Variants in PAPLN observed in about 807,000 individuals in gnomAD.
PAPLN encodes the protein papilin, proteoglycan like sulfated glycoprotein, also known as papilin.
A neutral mutation model predicts 159.0 loss-of-function variants in PAPLN; 146 were observed. The observed-to-expected ratio is 0.92, with a 90% CI of 0.80 to 1.05. The LOEUF is 1.05. PAPLN is among the 50% of genes least tolerant of loss of function. The pLI is 0.00. For synonymous variants in PAPLN, 734 were observed against 702.9 expected (o/e 1.04, Z -0.70); for missense variants, 1,720 against 1,743.9 (o/e 0.99, Z 0.24).
chr14:73,244,837 C>A, intron 3 of PAPLN, 78 bp downstream of exon 3: 2 of 1,234,594 alleles, frequency 1.6e-6, no homozygotes, highest in South Asian at 1.5e-5. Context: ...GCTAGGTGGT[C>A]GTGGCCTAGG....
rs994239838 is a variant in PAPLN, at chr14:73,250,266, T to C, written c.465+152T>C. The C allele has an allele frequency of 4.6e-6, 5 of 1,092,458 alleles. No individual in the cohort carries two copies. In the Admixed American group the frequency reaches 1.7e-4, roughly 37 times the overall value. The allele number at this position is 1,092,458 out of a possible 1,614,324, so 67.7% of individuals were successfully genotyped here. Reference sequence around the variant, plus strand: ...CACCAAGCCCAGCTCCTAGGGTACCTTGCAGGCATCACAGATGCCCTATGG... The same window carrying C: ...CACCAAGCCCAGCTCCTAGGGTACCCTGCAGGCATCACAGATGCCCTATGG... On this transcript the variant is annotated intron_variant, in intron 6 of 26. Transcript: ENST00000644200.
intron 14 of PAPLN, among the ~76,000 whole-genome samples, chr14:73,257,432 T>C (rs1477178032): frequency 3.3e-5 from 5 of 152,102 alleles, no homozygotes; most frequent in Non-Finnish European, 2.9e-5. Context: ...ACAGGTTTTC[T>C]CTTATGTAGC....
intron 2 of PAPLN, chr14:73,243,947 A>G (rs1034464210): frequency 2.0e-5 from 3 of 152,328 alleles, no homozygotes. Flanking sequence ...AACTCCAGCC[A>G]TCACATCTGC....
rs767865902 is a variant in PAPLN, at chr14:73,246,085, G to A, written c.244G>A (p.Gly82Ser). The A allele has an allele frequency of 3.9e-5, 61 of 1,563,236 alleles. No homozygotes were observed. Among genetic ancestry groups the A allele is most frequent in the Middle Eastern group, 1.7e-4 (1 of 5,846 alleles). ...CTCCGCCCCGCAGAGCTGCCCCGAC[G>A]GCGCCCGGGACTTCCGGGCCGAGCA... ...RSCRTESCPD[G>S]ARDFRAEQCA... The change falls in exon 5 of 27, where the codon GGC becomes AGC. Residue 82 changes from glycine to serine, a missense_variant. Physicochemically the swap from Gly to Ser is moderately conservative, Grantham distance 56. Coordinates refer to ENST00000644200, the MANE Select transcript of PAPLN (RefSeq NM_001365906.3).
intron 10 of PAPLN, 31 bp from the exon 11 acceptor site, chr14:73,252,618 G>A (rs199558503): frequency 3.3e-5 from 53 of 1,606,456 alleles, no homozygotes; most frequent in Middle Eastern, 1.7e-4. Flanking sequence ...GTTGACTGGC[G>A]TCTGCCCGCC....
chr14:73,245,834 G>T lies in PAPLN; in HGVS notation c.231+138G>T. 1 of 1,185,380 alleles carries T rather than the reference G, an allele frequency of 8.4e-7. No individual in the cohort carries two copies. Among genetic ancestry groups the T allele is most frequent in the Admixed American group, 2.3e-5 (1 of 43,702 alleles). 73.4% of individuals were successfully genotyped at this position (1,185,380 alleles called of 1,614,324 possible). On this transcript the variant is annotated intron_variant, in intron 4 of 26. Coordinates refer to ENST00000644200, the MANE Select transcript of PAPLN (RefSeq NM_001365906.3). This position sits in a 1 kb window ranked among gnomAD's most constrained non-coding sequence, Gnocchi z 4.2. ...GGTCCTCCCGCCAATCCACAGCAGG[G>T]CTGCGTGGGGGCCCCTTCCTCACCC...
rs771163455 is a variant in PAPLN, at chr14:73,259,400, C to T, written c.1840C>T (p.Gln614Ter). The T allele has an allele frequency of 1.2e-6, 2 of 1,612,718 alleles. No individual in the cohort carries two copies. Among genetic ancestry groups the T allele is most frequent in the Non-Finnish European group, 1.7e-6 (2 of 1,179,538 alleles). Residue 614 changes from glutamine to a stop codon, truncating the protein, a stop_gained, in exon 16 of 27, where the codon CAG (glutamine) becomes TAG (stop). Coordinates refer to ENST00000644200, the MANE Select transcript of PAPLN (RefSeq NM_001365906.3). LOFTEE classifies it high-confidence loss of function. ...CCTGGGCCCCGCTCCCTCTCTGCAG[C>T]AGCCCCCATACCAGCAACCCCTGCG... Reference protein sequence around the residue: ...SALGPAPSLQQPPYQQPLRSG... With the variant: ...SALGPAPSLQ
intron 5 of PAPLN, chr14:73,249,744 C>T (rs1369840007): frequency 4.4e-6 from 1 of 227,536 alleles, no homozygotes; most frequent in Non-Finnish European, 8.5e-6. Context: ...CTGAGGTAGA[C>T]TTCTTTAAGT....
intron 5 of PAPLN, among the ~76,000 whole-genome samples, chr14:73,248,073 C>CTG (rs1491238488): frequency 1.4e-4 from 7 of 51,010 alleles, no homozygotes; most frequent in African/African-American, 1.2e-3. Flanking sequence ...GTCTCATATC[C>CTG]TCTGTGTGTG....
In PAPLN at chr14:73,245,288, T is replaced by A; in HGVS notation, c.171-348T>A. 3.2e-6 allele frequency: 1 copy of A among 313,386 alleles called. No homozygotes were observed. Among genetic ancestry groups the A allele is most frequent in the East Asian group, 7.4e-5 (1 of 13,486 alleles). The allele number at this position is 313,386 out of a possible 1,614,324, so 19.4% of individuals were successfully genotyped here. A position where few individuals can be genotyped will look rare whatever the true frequency, so the allele number is the denominator to read the frequency against. ...GAGACCAGGAATGATCCTAAGAGCC[T>A]TATACTGATGTCCTGCTTAGATCGC... is the stretch of plus-strand genomic sequence containing the variant. On this transcript the variant is annotated intron_variant, in intron 3 of 26. Transcript: ENST00000644200. The surrounding 1 kb of genome is among the most constrained non-coding windows in gnomAD (Gnocchi z 4.2).
At position 73,259,561 on chromosome 14, in the gene PAPLN, A is replaced by G. The variant is rs1435722708; in HGVS notation, c.1985+16A>G. 1.3e-6 allele frequency: 2 copies of G among 1,506,268 alleles called. No homozygotes were observed. The highest frequency in any genetic ancestry group is 4.8e-5 in the East Asian group (2 of 41,338). 93.3% of individuals were successfully genotyped at this position (1,506,268 alleles called of 1,614,324 possible). ...AGCAGAGCAGGTGGGTGCTGGAGAC[A>G]GGTCTTCCTCCTCCCCCGTCAAAGA... On this transcript the variant is annotated intron_variant, in intron 16 of 26. Coordinates refer to ENST00000644200, the MANE Select transcript of PAPLN (RefSeq NM_001365906.3).
At chr14:73,261,352 T>G in intron 18 of PAPLN, 58 bp downstream of exon 18, 1 of 1,577,368 alleles carries the variant, frequency 6.3e-7, no homozygotes. Flanking sequence ...CCACCATGCC[T>G]CCAGCCCCCA....
At chr14:73,249,758 T>G (rs1885027006) in intron 5 of PAPLN, 1 of 311,482 alleles carries the variant, frequency 3.2e-6, no homozygotes, top group Admixed American at 4.9e-5. Context: ...TTTAAGTGTT[T>G]CACTTTTTCC....
intron 11 of PAPLN, chr14:73,253,338 A>C (rs1885517097): frequency 1.0e-6 from 1 of 1,003,164 alleles, no homozygotes; most frequent in African/African-American, 1.6e-5. Context: ...GCATGGGGCC[A>C]CAGGGCTGCT....
chr14:73,264,707 C>A lies in PAPLN; in HGVS notation c.3106C>A (p.His1036Asn). ...GCCCCTGGGGGCCATCCCCTCTTCACACCCACAGCCTGCAAACAGGTAAGA... is the reference window on the plus strand; with the variant it reads ...GCCCCTGGGGGCCATCCCCTCTTCAAACCCACAGCCTGCAAACAGGTAAGA... ...AGPLGAIPSS[H>N]PQPANRLRLD... The change falls in exon 22 of 27, where the codon CAC becomes AAC. Residue 1036 changes from histidine (H) to asparagine (N), a missense_variant. Coordinates refer to ENST00000644200, the MANE Select transcript of PAPLN (RefSeq NM_001365906.3). The A allele has an allele frequency of 6.2e-7, 1 of 1,613,178 alleles. No homozygotes were observed. The highest frequency in any genetic ancestry group is 8.5e-7 in the Non-Finnish European group (1 of 1,179,872).
intron 25 of PAPLN, among the ~76,000 whole-genome samples, chr14:73,267,396 T>G (rs1887332449): frequency 6.6e-6 from 1 of 152,196 alleles, no homozygotes; most frequent in Non-Finnish European, 1.5e-5. Context: ...CTGGGGATCC[T>G]GGGGTCACCT....
In PAPLN at chr14:73,272,742, T is replaced by C; in HGVS notation, c.*78T>C. On this transcript the variant is annotated 3_prime_UTR_variant, in exon 27 of 27. Transcript: ENST00000644200. ...AAAGGAAGATGGACTCTTGGCTTCCTCTCTCTGGCTGGCAAAGGGAGTTAT... is the reference window on the plus strand; with the variant it reads ...AAAGGAAGATGGACTCTTGGCTTCCCCTCTCTGGCTGGCAAAGGGAGTTAT... 7.3e-7 allele frequency: 1 copy of C among 1,373,232 alleles called. No homozygotes were observed. 85.1% of individuals were successfully genotyped at this position (1,373,232 alleles called of 1,614,324 possible).
intron 2 of PAPLN, among the ~76,000 whole-genome samples, chr14:73,241,772 G>A (rs965408793): frequency 6.6e-6 from 1 of 152,262 alleles, no homozygotes; most frequent in Admixed American, 6.5e-5. Flanking sequence ...TGAACAGAAT[G>A]AGTAAATGAA....
chr14:73,260,608 C>G, intron 16 of PAPLN, 101 bp from the exon 17 acceptor site: 4 of 1,342,752 alleles, frequency 3.0e-6, no homozygotes, highest in Non-Finnish European at 1.9e-6. Context: ...AGGTCCCCAC[C>G]CTGTCAGCCC....
Sources: gnomAD v4.1 joint callset for allele counts (sites outside exome capture counted in the v4.1 genomes callset) on GRCh38, gnomAD v4.1.1 for gene constraint, Gnocchi (gnomAD v3.1) non-coding constraint, MANE v1.5 for transcripts, NCBI Gene and HGNC (gene_info 2026-07-23, HGNC 2026-07-21) for gene names.